Variants in DNAH7 observed in about 807,000 individuals in gnomAD.
The protein encoded by DNAH7 is dynein axonemal heavy chain 7.
A neutral mutation model predicts 444.6 loss-of-function variants in DNAH7; 397 were observed. That is an observed-to-expected ratio of 0.89 (90% CI 0.82 to 0.97). DNAH7 has a LOEUF of 0.97. Ranked by LOEUF, DNAH7 falls within the 50% of genes least tolerant of loss-of-function variation. DNAH7 has a pLI of 0.00. For synonymous variants in DNAH7, 1,636 were observed against 1,624.4 expected (o/e 1.01, Z -0.17); for missense variants, 4,902 against 4,800.8 (o/e 1.02, Z -0.62).
At chr2:195,866,477 T>C (rs1013480478) in intron 40 of DNAH7, among the ~76,000 whole-genome samples, 4 of 152,242 alleles carry the variant, frequency 2.6e-5, no homozygotes, top group African/African-American at 9.6e-5. Flanking sequence ...GGCCAATCTT[T>C]GAATTGAGGT....
In DNAH7 at chr2:196,048,292, T is replaced by C. The variant is rs1697257040; in HGVS notation, c.250+4A>G. The stretch of plus-strand genomic sequence containing the variant: ...AATCTAATTTAGAATATTGAAGTTC[T>C]TACCATGGGACTGTTCATTTTTAAC... On this transcript the variant is annotated splice_donor_region_variant and intron_variant, in intron 4 of 64. Transcript: ENST00000312428. 6.3e-7 allele frequency: 1 copy of C among 1,598,062 alleles called. No homozygotes were observed. The highest frequency in any genetic ancestry group is 1.3e-5 in the African/African-American group (1 of 74,698).
chr2:195,797,373 G>A (rs979203373), intron 55 of DNAH7, among the ~76,000 whole-genome samples: 13 of 152,122 alleles, frequency 8.5e-5, no homozygotes, highest in African/African-American at 3.1e-4. Flanking sequence ...AGCCCCTCCC[G>A]AATGCCCATG....
intron 10 of DNAH7, among the ~76,000 whole-genome samples, chr2:196,003,528 C>T (rs112886459): frequency 1.2e-3 from 181 of 152,212 alleles, no homozygotes; most frequent in African/African-American, 4.3e-3. Context: ...AAAAGAGGCA[C>T]ATACATACAT....
chr2:196,037,491 C>T (rs777748697), intron 5 of DNAH7, among the ~76,000 whole-genome samples: 1 of 151,948 alleles, frequency 6.6e-6, no homozygotes, highest in Non-Finnish European at 1.5e-5. Flanking sequence ...CACATATAAA[C>T]AATATAAGCA....
chr2:195,748,567 A>G (rs1342540897), intron 63 of DNAH7, among the ~76,000 whole-genome samples: 4 of 152,264 alleles, frequency 2.6e-5, no homozygotes, highest in Non-Finnish European at 2.9e-5. Flanking sequence ...GAGGCATCAC[A>G]CTACCTGACT....
chr2:196,026,666 G>A, intron 7 of DNAH7, 94 bp downstream of exon 7: 1 of 823,844 alleles, frequency 1.2e-6, no homozygotes, highest in Non-Finnish European at 1.8e-6. Context: ...TTATAATATT[G>A]TGACTAGTTT....
chr2:195,737,743 C>CTT lies in DNAH7; in HGVS notation c.*176_*177dup. On this transcript the variant is annotated 3_prime_UTR_variant, in exon 65 of 65. Coordinates refer to ENST00000312428, the MANE Select transcript of DNAH7 (RefSeq NM_018897.3). The stretch of plus-strand genomic sequence containing the variant: ...TTTAGTCTTTATTTCAGAACATTTC[C>CTT]TTACATTTAAGTATGAGTCATATTA... The CTT allele has an allele frequency of 3.5e-6, 2 of 567,062 alleles. No homozygotes were observed. The highest frequency in any genetic ancestry group is 3.0e-5 in the East Asian group (1 of 33,808). 35.1% of individuals were successfully genotyped at this position (567,062 alleles called of 1,614,324 possible). A position where few individuals can be genotyped will look rare whatever the true frequency, so the allele number is the denominator to read the frequency against.
chr2:195,908,633 T>C (rs1402427322), intron 25 of DNAH7, among the ~76,000 whole-genome samples: 2 of 152,146 alleles, frequency 1.3e-5, no homozygotes, highest in Non-Finnish European at 2.9e-5. Context: ...GGCTGAATAG[T>C]ATTTCATTGT....
At chr2:195,858,250 C>A (rs1016552744) in intron 43 of DNAH7, among the ~76,000 whole-genome samples, 3 of 152,174 alleles carry the variant, frequency 2.0e-5, no homozygotes, top group Non-Finnish European at 2.9e-5. Flanking sequence ...TTATGGTAGG[C>A]TATAACATCT....
intron 24 of DNAH7, among the ~76,000 whole-genome samples, chr2:195,912,547 G>A (rs111987763): frequency 6.6e-6 from 1 of 152,268 alleles, no homozygotes; most frequent in Non-Finnish European, 1.5e-5. Flanking sequence ...TGTGTGTGGT[G>A]AGCCTCAGAG....
At chr2:195,937,627 A>G (rs1231076146) in intron 19 of DNAH7, among the ~76,000 whole-genome samples, 2 of 152,242 alleles carry the variant, frequency 1.3e-5, no homozygotes, top group Non-Finnish European at 2.9e-5. Context: ...CACCAAGTTT[A>G]TGAAAATCTT....
In DNAH7 at chr2:195,886,337, C is replaced by G. The variant is rs954137117; in HGVS notation, c.5407-65G>C. 23 of 1,438,610 alleles carry G rather than the reference C, an allele frequency of 1.6e-5. No homozygotes were observed. In the African/African-American group the frequency reaches 2.4e-4, roughly 15 times the overall value. The allele number at this position is 1,438,610 out of a possible 1,614,324, so 89.1% of individuals were successfully genotyped here. ...TAGGTAATAGCTAAAATAGCCCCAG[C>G]TAATATTTATTAAGCTCATTTAATT... On this transcript the variant is annotated intron_variant, in intron 33 of 64. Transcript: ENST00000312428.
intron 47 of DNAH7, among the ~76,000 whole-genome samples, chr2:195,843,710 T>C (rs1574542368): frequency 1.3e-5 from 2 of 152,298 alleles, no homozygotes; most frequent in East Asian, 1.9e-4. Flanking sequence ...AACAATTTAG[T>C]AAATGAATGC....
At chr2:195,855,450 A>G (rs1699634688) in intron 45 of DNAH7, among the ~76,000 whole-genome samples, 1 of 152,128 alleles carries the variant, frequency 6.6e-6, no homozygotes, top group East Asian at 1.9e-4. Flanking sequence ...ATGATTAAAT[A>G]ATCTAGCTCA....
Position 195,888,285 on chromosome 2 carries a change from C to A in DNAH7, c.5379G>T (p.Ser1793=), listed in dbSNP as rs201987961. Residue 1793 remains serine (S), a synonymous_variant, in exon 33 of 65, where the codon TCG becomes TCT. Transcript: ENST00000312428. The part of the protein sequence containing the change: ...MGLFDRMVPV[S]VEFIRKHTKE... ...TTGTATGCTTTCTAATAAATTCAAC[C>A]GAAACAGGGACCATTCTGTCAAATA... 1 of 1,609,032 alleles carries A rather than the reference C, an allele frequency of 6.2e-7. No homozygotes were observed. Among genetic ancestry groups the A allele is most frequent in the African/African-American group, 1.3e-5 (1 of 74,508 alleles).
chr2:195,917,460 C>T (rs1687760147), intron 24 of DNAH7, among the ~76,000 whole-genome samples: 1 of 152,192 alleles, frequency 6.6e-6, no homozygotes, highest in Non-Finnish European at 1.5e-5. Flanking sequence ...GAACACAAGA[C>T]CACAGAAGCA....
chr2:195,749,533 A>G (rs549403578), intron 63 of DNAH7, among the ~76,000 whole-genome samples: 243 of 152,226 alleles, frequency 1.6e-3, no homozygotes, highest in Non-Finnish European at 2.3e-3. Context: ...ACATGCACAC[A>G]TATGTTTATT....
rs752429667 is a variant in DNAH7 at position 195,936,731 on chromosome 2, T to A, written c.3140A>T (p.Asn1047Ile). Residue 1047 changes from asparagine (N) to isoleucine (I), a missense_variant, in exon 20 of 65, where the codon AAT becomes ATT. Coordinates refer to ENST00000312428, the MANE Select transcript of DNAH7 (RefSeq NM_018897.3). ...TTTAAGAATGAGCTCCAAAAGTTCA[T>A]TAGATTTTTTCAGCCTTTCCAGCAT... is the stretch of plus-strand genomic sequence containing the variant. Reference protein sequence around the residue: ...DRMLERLKKSNELLELILKGL... With the variant: ...DRMLERLKKSIELLELILKGL... 6.2e-7 allele frequency: 1 copy of A among 1,600,282 alleles called. No individual in the cohort carries two copies. Among genetic ancestry groups the A allele is most frequent in the South Asian group, 1.2e-5 (1 of 86,782 alleles).
chr2:195,931,481 A>G (rs1444226842), intron 21 of DNAH7, among the ~76,000 whole-genome samples: 1 of 151,618 alleles, frequency 6.6e-6, no homozygotes, highest in African/African-American at 2.4e-5. Flanking sequence ...GGTGTTTTAG[A>G]CATGAAGTCC....
Sources: allele counts gnomAD v4.1 joint callset (sites outside exome capture counted in the v4.1 genomes callset), GRCh38; gene constraint gnomAD v4.1.1; transcripts MANE v1.5; gene names NCBI Gene and HGNC (gene_info 2026-07-23, HGNC 2026-07-21).